LACRT: variants seen among roughly 807,000 people sequenced by gnomAD.
LACRT encodes lacritin, also known as extracellular glycoprotein lacritin.
In LACRT, 14 loss-of-function variants were observed where a neutral mutation model predicts 14.5. The ratio of observed to expected loss-of-function variants is 0.96; its 90% CI spans 0.64 to 1.51. The LOEUF (loss-of-function observed/expected upper bound fraction) is 1.51, where lower values mean the gene tolerates loss of function less well. Among genes scored for constraint, LACRT ranks in the 40% most tolerant of loss-of-function variants. The pLI is 0.00. For synonymous variants in LACRT, 70 were observed against 63.5 expected, an observed-to-expected ratio of 1.10 and a Z score of -0.48; for missense variants, 156 against 161.8, an observed-to-expected ratio of 0.96 and a Z score of 0.19.
intron 1 of LACRT, among the ~76,000 whole-genome samples, chr12:54,634,274 C>T (rs1395459915): frequency 6.6e-6 from 1 of 150,768 alleles, no homozygotes; most frequent in Admixed American, 6.6e-5. Flanking sequence ...ATCGCTGGAA[C>T]CCAGGAGGTG....
rs763633479 is a variant in LACRT at position 54,632,255 on chromosome 12, T to C, written c.239A>G (p.Glu80Gly). The C allele has an allele frequency of 1.2e-6, 2 of 1,614,042 alleles. No homozygotes were observed. The highest frequency in any genetic ancestry group is 1.7e-6 in the Non-Finnish European group (2 of 1,179,968). Residue 80 changes from glutamate to glycine, a missense_variant, in exon 3 of 5, where the codon GAA (glutamate) becomes GGA (glycine). Physicochemically the swap from Glu to Gly is moderately conservative, Grantham distance 98 (BLOSUM62 -2). Coordinates refer to ENST00000257867, the MANE Select transcript of LACRT (RefSeq NM_033277.2). ...GTAKVTSSRQ[E>G]LNPLKSIVEK... is the part of the protein sequence containing the mutation. Reference sequence around the variant, plus strand: ...CAGAGACTTACTCAGGGGGTTTAGTTCCTGCCTGCTTGAGGTGACCTTGGC... The same window carrying C: ...CAGAGACTTACTCAGGGGGTTTAGTCCCTGCCTGCTTGAGGTGACCTTGGC...
At chr12:54,634,070 C>T (rs1176295073) in intron 1 of LACRT, among the ~76,000 whole-genome samples, 2 of 152,090 alleles carry the variant, frequency 1.3e-5, no homozygotes, top group South Asian at 2.1e-4. Flanking sequence ...AAAGGCATCC[C>T]AGCAGGGCAC....
intron 1 of LACRT, 133 bp downstream of exon 1, chr12:54,634,651 G>A (rs1464740388): frequency 2.3e-5 from 20 of 862,578 alleles, no homozygotes; most frequent in Non-Finnish European, 3.7e-5. Flanking sequence ...GTGGAGAACT[G>A]GGAGAGGAGT....
At chr12:54,631,939 C>A in intron 3 of LACRT, 100 bp from the exon 4 acceptor site, 1 of 685,914 alleles carries the variant, frequency 1.5e-6, no homozygotes, top group South Asian at 1.6e-5. Flanking sequence ...CCCCACTCCA[C>A]CCAGGACATC....
chr12:54,631,866 C>G lies in LACRT; in HGVS notation c.254-27G>C. 6 of 1,544,054 alleles carry G rather than the reference C, an allele frequency of 3.9e-6. No individual in the cohort carries two copies. In the South Asian group the frequency reaches 5.6e-5, roughly 14 times the overall value. On this transcript the variant is annotated intron_variant, in intron 3 of 4. Coordinates refer to ENST00000257867, the MANE Select transcript of LACRT (RefSeq NM_033277.2). ...TAATTTTGGAGCAGAACAATCACAT[C>G]AGCAGAAAAATCACCTCATTTAAAG...
chr12:54,633,219 C>A lies in LACRT; in HGVS notation c.73G>T (p.Asp25Tyr). 1 of 1,613,896 alleles carries A rather than the reference C, an allele frequency of 6.2e-7. No homozygotes were observed. The highest frequency in any genetic ancestry group is 1.1e-5 in the South Asian group (1 of 91,054). The change falls in exon 2 of 5, where the codon GAC (aspartate) becomes TAC (tyrosine). Residue 25 changes from aspartate (D) to tyrosine (Y), a missense_variant. Physicochemically the swap from Asp to Tyr is radical, Grantham distance 160. Coordinates refer to ENST00000257867, the MANE Select transcript of LACRT (RefSeq NM_033277.2). ...ALVYAEDASS[D>Y]STGADPAQEA... ...TGGGCAGGATCAGCACCCGTCGAGTCAGAGGAGGCATCTTCTGCAATGGGG... is the reference window on the plus strand; with the variant it reads ...TGGGCAGGATCAGCACCCGTCGAGTAAGAGGAGGCATCTTCTGCAATGGGG...
chr12:54,634,385 C>G (rs951805145), intron 1 of LACRT, among the ~76,000 whole-genome samples: 1 of 151,800 alleles, frequency 6.6e-6, no homozygotes, highest in Non-Finnish European at 1.5e-5. Context: ...ATCCCTTCCT[C>G]CTAAGAGACA....
intron 1 of LACRT, among the ~76,000 whole-genome samples, chr12:54,633,973 T>C (rs1045017930): frequency 6.6e-6 from 1 of 152,018 alleles, no homozygotes; most frequent in African/African-American, 2.4e-5. Context: ...GAAAGCATTC[T>C]AGACGAGGAA....
At position 54,633,215 on chromosome 12, in the gene LACRT, G is replaced by T. The variant is rs746462563; in HGVS notation, c.77C>A (p.Ser26Ter). Residue 26 changes from serine to a stop codon, truncating the protein, a stop_gained, in exon 2 of 5, where the codon TCG (serine) becomes TAG (stop). Coordinates refer to ENST00000257867, the MANE Select transcript of LACRT (RefSeq NM_033277.2). LOFTEE classifies it high-confidence loss of function. Reference protein sequence around the residue: ...LVYAEDASSDSTGADPAQEAG... With the variant: ...LVYAEDASSD ...TTCCTGGGCAGGATCAGCACCCGTC[G>T]AGTCAGAGGAGGCATCTTCTGCAAT... 1.2e-5 allele frequency: 19 copies of T among 1,613,762 alleles called. No individual in the cohort carries two copies. Among genetic ancestry groups the T allele is most frequent in the Non-Finnish European group, 1.4e-5 (17 of 1,179,926 alleles).
In LACRT at chr12:54,632,325, T is replaced by G. The variant is rs1310021691; in HGVS notation, c.169A>C (p.Thr57Pro). 6.2e-7 allele frequency: 1 copy of G among 1,614,118 alleles called. No homozygotes were observed. The highest frequency in any genetic ancestry group is 1.7e-5 in the Admixed American group (1 of 60,006). The change falls in exon 3 of 5, where the codon ACC becomes CCC. Residue 57 changes from threonine (T) to proline (P), a missense_variant. Transcript: ENST00000257867. ...PAEPASPPET[T>P]TTAQETSAAA... ...GCCGAAGTCTCCTGGGCTGTTGTGG[T>G]TGTCTCTGGGGGTGAAGCTGGTTCT...
At chr12:54,633,359 C>T (rs1958166110) in intron 1 of LACRT, 126 bp from the exon 2 acceptor site, 1 of 840,864 alleles carries the variant, frequency 1.2e-6, no homozygotes, top group Admixed American at 2.2e-5. Flanking sequence ...ATCAATTTCC[C>T]TTTGGGTTGG....
At chr12:54,634,699 G>A in intron 1 of LACRT, 85 bp downstream of exon 1, 1 of 1,240,768 alleles carries the variant, frequency 8.1e-7, no homozygotes, top group Non-Finnish European at 1.2e-6. Context: ...AGCACTGAGA[G>A]AGGAGGAGAG....
At chr12:54,632,437 G>A in intron 2 of LACRT, 56 bp from the exon 3 acceptor site, 3 of 1,602,644 alleles carry the variant, frequency 1.9e-6, no homozygotes, top group Non-Finnish European at 2.6e-6. Context: ...GTTTCTTTTG[G>A]AATGGGTTGC....
At position 54,630,892 on chromosome 12, in the gene LACRT, T is replaced by G. The variant is rs1958147887; in HGVS notation, c.417A>C (p.Ter139CysextTer22). ...KKFSLLKPWA[*>C] The stretch of plus-strand genomic sequence containing the variant: ...CAATGATCCCATTCTTTTCAGCTTC[T>G]CATGCCCATGGTTTTAATAGACTGA... Residue 139 changes from the stop codon to cysteine, a stop_lost, in exon 5 of 5, where the codon TGA (stop) becomes TGC (cysteine). Transcript: ENST00000257867. 6.2e-7 allele frequency: 1 copy of G among 1,604,874 alleles called. No individual in the cohort carries two copies. The highest frequency in any genetic ancestry group is 8.5e-7 in the Non-Finnish European group (1 of 1,171,736).
chr12:54,631,083 G>A, intron 4 of LACRT, 130 bp from the exon 5 acceptor site: 1 of 658,082 alleles, frequency 1.5e-6, no homozygotes, highest in East Asian at 2.7e-5. Context: ...CACAGAAGTT[G>A]GAGGGATTGA....
chr12:54,633,987 A>T (rs1001132320), intron 1 of LACRT, among the ~76,000 whole-genome samples: 12 of 152,220 alleles, frequency 7.9e-5, no homozygotes, highest in African/African-American at 2.4e-4. Context: ...CGAGGAAAGG[A>T]CAAGAAGGAA....
chr12:54,631,990 G>A (rs1027599913), intron 3 of LACRT, 151 bp from the exon 4 acceptor site: 1 of 669,842 alleles, frequency 1.5e-6, no homozygotes. Context: ...TTTTGCTGAG[G>A]GCTCCAGCAC....
At chr12:54,632,165 T>C in intron 3 of LACRT, 76 bp downstream of exon 3, 6 of 1,536,532 alleles carry the variant, frequency 3.9e-6, no homozygotes, top group Non-Finnish European at 5.4e-6. Flanking sequence ...CTTATCTCTG[T>C]GCGTGGAGGT....
intron 4 of LACRT, 85 bp downstream of exon 4, chr12:54,631,653 G>T (rs1958152380): frequency 4.1e-6 from 4 of 969,966 alleles, no homozygotes; most frequent in Non-Finnish European, 6.7e-6. Flanking sequence ...GGAAATGGGG[G>T]CAAGTTCTGT....
Sources: allele counts gnomAD v4.1 joint callset (sites outside exome capture counted in the v4.1 genomes callset), GRCh38; gene constraint gnomAD v4.1.1; transcripts MANE v1.5; gene names NCBI Gene and HGNC (gene_info 2026-07-23, HGNC 2026-07-21).